The following PTPRD variants were observed in gnomAD, a reference collection of about 807,000 sequenced individuals.
The protein encoded by PTPRD is protein tyrosine phosphatase receptor type D.
In PTPRD, 34 loss-of-function variants were observed where a neutral mutation model predicts 214.5. The ratio of observed to expected loss-of-function variants is 0.16; its 90% CI spans 0.12 to 0.21. The LOEUF (loss-of-function observed/expected upper bound fraction) is 0.21. Among genes scored for constraint, PTPRD ranks in the 10% least tolerant of loss-of-function variants. The pLI, the probability that PTPRD is intolerant of heterozygous loss-of-function variation, is 1.00. For synonymous variants in PTPRD, 1,128 were observed against 845.7 expected, an observed-to-expected ratio of 1.33 and a Z score of -5.79; for missense variants, 2,545 against 2,398.7, an observed-to-expected ratio of 1.06 and a Z score of -1.27.
intron 8 of PTPRD, among the ~76,000 whole-genome samples, chr9:9,474,681 G>GT (rs2094890004): frequency 1.6e-4 from 16 of 97,124 alleles, no homozygotes; most frequent in Admixed American, 1.0e-3. Flanking sequence ...CTATTCCTAG[G>GT]GTTTTTTTTG....
At chr9:9,641,913 T>G (rs192447950) in intron 7 of PTPRD, among the ~76,000 whole-genome samples, 11 of 152,220 alleles carry the variant, frequency 7.2e-5, no homozygotes, top group Non-Finnish European at 1.3e-4. Context: ...GACTCAGACC[T>G]TAGCTATAGA....
intron 5 of PTPRD, among the ~76,000 whole-genome samples, chr9:9,910,534 G>A (rs1487222941): frequency 2.6e-5 from 4 of 151,892 alleles, no homozygotes; most frequent in Non-Finnish European, 5.9e-5. Flanking sequence ...TTTCTGTTCA[G>A]CTTTTCTAGT....
At chr9:9,254,696 G>C (rs1022169921) in intron 9 of PTPRD, among the ~76,000 whole-genome samples, 1 of 152,026 alleles carries the variant, frequency 6.6e-6, no homozygotes, top group Admixed American at 6.6e-5. Flanking sequence ...AGAAATATCA[G>C]CAGATGTTTC....
intron 11 of PTPRD, among the ~76,000 whole-genome samples, chr9:8,934,494 A>AT (rs2098981278): frequency 1.3e-4 from 1 of 7,432 alleles, no homozygotes; most frequent in Non-Finnish European, 2.6e-4. Context: ...TATATATATA[A>AT]ATATATATAT....
intron 2 of PTPRD, among the ~76,000 whole-genome samples, chr9:10,584,831 T>G (rs1373737483): frequency 6.6e-6 from 1 of 152,164 alleles, no homozygotes; most frequent in East Asian, 1.9e-4. Context: ...CTCCAGTTGT[T>G]CAATGCAAGG....
At chr9:9,522,656 C>T (rs140765590) in intron 8 of PTPRD, among the ~76,000 whole-genome samples, 5 of 152,124 alleles carry the variant, frequency 3.3e-5, no homozygotes, top group African/African-American at 1.2e-4. Flanking sequence ...ATTTCCTGCA[C>T]TCTTTTCTCT....
intron 9 of PTPRD, among the ~76,000 whole-genome samples, chr9:9,379,105 GTTTTATT>G (rs2061512341): frequency 6.7e-6 from 1 of 150,066 alleles, no homozygotes; most frequent in African/African-American, 2.4e-5. Flanking sequence ...AATTACTCCC[GTTTTATT>G]TTCTCTGAGT....
At chr9:8,966,223 T>A (rs1273987104) in intron 11 of PTPRD, among the ~76,000 whole-genome samples, 1 of 152,012 alleles carries the variant, frequency 6.6e-6, no homozygotes, top group Admixed American at 6.6e-5. Context: ...ATTTCCAACA[T>A]CATTTTTCAC....
At chr9:9,728,484 G>T (rs2098130934) in intron 7 of PTPRD, among the ~76,000 whole-genome samples, 1 of 152,092 alleles carries the variant, frequency 6.6e-6, no homozygotes, top group Non-Finnish European at 1.5e-5. Flanking sequence ...TTGGCATGTT[G>T]GTGGCATTTA....
At chr9:9,774,193 A>G (rs1404898706) in intron 5 of PTPRD, among the ~76,000 whole-genome samples, 4 of 152,196 alleles carry the variant, frequency 2.6e-5, no homozygotes, top group Non-Finnish European at 5.9e-5. Flanking sequence ...TTCAGGTGCT[A>G]CTTGGCTCTT....
intron 11 of PTPRD, among the ~76,000 whole-genome samples, chr9:8,898,091 C>A (rs7870736): frequency 0.021 from 3,193 of 152,178 alleles, 113 homozygotes; most frequent in African/African-American, 0.072. Flanking sequence ...CTTCTCTGCC[C>A]TAGACACTCT....
chr9:8,362,387 C>G lies in PTPRD; in HGVS notation c.4661+13549G>C, dbSNP rs114651459. ...GTACCTCAGAGAAAATAGTCTGAAA[C>G]CAGGTCAATCATTTTCAGACACACG... On this transcript the variant is annotated intron_variant, in intron 39 of 45. Coordinates refer to ENST00000381196, the MANE Select transcript of PTPRD (RefSeq NM_002839.4). 6.8e-3 allele frequency among the ~76,000 whole-genome samples: 1,039 copies of G among 152,156 alleles called. 15 individuals are homozygous for G. Among genetic ancestry groups the G allele is most frequent in the African/African-American group, 0.024 (981 of 41,504 alleles).
At chr9:9,667,523 T>C (rs1223511542) in intron 7 of PTPRD, among the ~76,000 whole-genome samples, 1 of 152,140 alleles carries the variant, frequency 6.6e-6, no homozygotes, top group Non-Finnish European at 1.5e-5. Flanking sequence ...AAGTATTATT[T>C]AAATTATGTG....
intron 2 of PTPRD, among the ~76,000 whole-genome samples, chr9:10,440,679 A>C (rs1481997469): frequency 2.6e-5 from 4 of 151,760 alleles, no homozygotes; most frequent in African/African-American, 9.7e-5. Context: ...TAGGTTGGAC[A>C]GATCATTTCA....
chr9:9,353,958 C>A (rs1423322458), intron 9 of PTPRD, among the ~76,000 whole-genome samples: 1 of 151,722 alleles, frequency 6.6e-6, no homozygotes, highest in Non-Finnish European at 1.5e-5. Flanking sequence ...AAATTAACTT[C>A]TTTGTGATGG....
intron 4 of PTPRD, among the ~76,000 whole-genome samples, chr9:9,962,797 C>G (rs1364489866): frequency 6.6e-6 from 1 of 152,006 alleles, no homozygotes; most frequent in Non-Finnish European, 1.5e-5. Context: ...GACTTAGAAT[C>G]TTAGCAGAAA....
intron 7 of PTPRD, among the ~76,000 whole-genome samples, chr9:9,685,334 C>T (rs1045682734): frequency 2.2e-4 from 33 of 150,920 alleles, no homozygotes; most frequent in African/African-American, 7.5e-4. Flanking sequence ...CACATATATG[C>T]ACATATACAC....
At chr9:10,215,119 ATT>A (rs2099535388) in intron 3 of PTPRD, among the ~76,000 whole-genome samples, 1 of 152,080 alleles carries the variant, frequency 6.6e-6, no homozygotes, top group East Asian at 1.9e-4. Context: ...CTTTCTCAAA[ATT>A]TTAAGATACT....
Position 10,508,385 on chromosome 9 carries a change from C to T in PTPRD, c.-600+104013G>A, listed in dbSNP as rs987711281. 1.9e-3 allele frequency among the ~76,000 whole-genome samples: 282 copies of T among 152,172 alleles called. 3 individuals carry two copies. Among genetic ancestry groups the T allele is most frequent in the African/African-American group, 6.0e-3 (249 of 41,524 alleles). On this transcript the variant is annotated intron_variant, in intron 2 of 45. Transcript: ENST00000381196. The stretch of plus-strand genomic sequence containing the variant: ...AGTTCAACCATTGTGGAAGACAGTG[C>T]GGCGATTCCTCAGGGATCTAGAACT...
Sources: gnomAD v4.1 joint callset for allele counts (sites outside exome capture counted in the v4.1 genomes callset) on GRCh38, gnomAD v4.1.1 for gene constraint, MANE v1.5 for transcripts, NCBI Gene and HGNC (gene_info 2026-07-23, HGNC 2026-07-21) for gene names.